The following DIPK1C variants were observed in gnomAD, a reference collection of about 807,000 sequenced individuals.
DIPK1C encodes the protein divergent protein kinase domain 1C, also known as familial non-conventional Alzheimer's dementia.
Under a neutral mutation model 28.0 loss-of-function variants are expected in DIPK1C, and 33 were observed. The observed-to-expected ratio is 1.18, with a 90% confidence interval of 0.89 to 1.58. DIPK1C has a LOEUF of 1.58. Among genes scored for constraint, DIPK1C ranks in the 40% most tolerant of loss-of-function variants. The pLI is 0.00. For synonymous variants in DIPK1C, 255 were observed against 248.8 expected (o/e 1.02, Z -0.23); for missense variants, 569 against 568.5 (o/e 1.00, Z -0.01).
At position 74,434,952 on chromosome 18, in the gene DIPK1C, G is replaced by A. The variant is rs1260355292; in HGVS notation, c.*1549C>T. On this transcript the variant is annotated 3_prime_UTR_variant, in exon 4 of 4. Coordinates refer to ENST00000343998, the MANE Select transcript of DIPK1C (RefSeq NM_001044369.3). ...TGGTGATGGGTAAGAATAACAGCTG[G>A]CAGTGGGCCTTCCAACAGGTCTTTG... The A allele has an allele frequency of 2.0e-5, 3 of 152,224 alleles. No homozygotes were observed. Among genetic ancestry groups the A allele is most frequent in the Non-Finnish European group, 2.9e-5 (2 of 68,064 alleles). 9.4% of individuals were successfully genotyped at this position (152,224 alleles called of 1,614,324 possible). A position where few individuals can be genotyped will look rare whatever the true frequency, so the allele number is the denominator to read the frequency against.
rs540465275 is a variant in DIPK1C, at chr18:74,446,973, G to T, written c.509C>A (p.Pro170Gln). ...GLELSNSSLG[P>Q]WWPGRRGPRW... Reference sequence around the variant, plus strand: ...TGGGCCCCGCCTGCCCGGCCACCACGGCCCCAGGCTGCTGTTGGACAACTC... The same window carrying T: ...TGGGCCCCGCCTGCCCGGCCACCACTGCCCCAGGCTGCTGTTGGACAACTC... The change falls in exon 2 of 4, where the codon CCG becomes CAG. Residue 170 changes from proline to glutamine, a missense_variant. By Grantham distance (76) the Pro-to-Gln change is moderately conservative. Coordinates refer to ENST00000343998, the MANE Select transcript of DIPK1C (RefSeq NM_001044369.3). 5.3e-6 allele frequency: 8 copies of T among 1,512,796 alleles called. No individual in the cohort carries two copies. The highest frequency in any genetic ancestry group is 5.3e-6 in the Non-Finnish European group (6 of 1,125,104). The allele number at this position is 1,512,796 out of a possible 1,614,324, so 93.7% of individuals were successfully genotyped here.
intron 3 of DIPK1C, among the ~76,000 whole-genome samples, chr18:74,440,016 C>T (rs1261101387): frequency 6.7e-6 from 1 of 149,532 alleles, no homozygotes; most frequent in Non-Finnish European, 1.5e-5. Context: ...GCAATCTCGG[C>T]TCACTGCAAG....
chr18:74,442,618 C>T (rs8097556), intron 2 of DIPK1C, among the ~76,000 whole-genome samples: 5,644 of 152,282 alleles, frequency 0.037, 353 homozygotes, highest in African/African-American at 0.13. Context: ...CATGAGCCAC[C>T]GTGCCCGGCC....
intron 1 of DIPK1C, among the ~76,000 whole-genome samples, chr18:74,451,052 GA>G (rs963006826): frequency 6.6e-6 from 1 of 152,210 alleles, no homozygotes; most frequent in Non-Finnish European, 1.5e-5. Flanking sequence ...CCCTGGCCAG[GA>G]AAGGGTGGGG....
At position 74,435,577 on chromosome 18, in the gene DIPK1C, A is replaced by G. The variant is rs1415629555; in HGVS notation, c.*924T>C. ...TGAAGGTGAAGACAATGCTGCATCA[A>G]GCCAACCTACAAGTCCCTGCCCAGG... On this transcript the variant is annotated 3_prime_UTR_variant, in exon 4 of 4. Transcript: ENST00000343998. 6.6e-6 allele frequency: 1 copy of G among 152,208 alleles called. No individual in the cohort carries two copies. The highest frequency in any genetic ancestry group is 2.1e-4 in the South Asian group (1 of 4,820). 9.4% of individuals were successfully genotyped at this position (152,208 alleles called of 1,614,324 possible).
At chr18:74,448,239 G>C (rs1443084599) in intron 1 of DIPK1C, among the ~76,000 whole-genome samples, 1 of 152,116 alleles carries the variant, frequency 6.6e-6, no homozygotes, top group African/African-American at 2.4e-5. Context: ...TTTGATTAGG[G>C]GTTGAGTGTA....
At position 74,456,035 on chromosome 18, in the gene DIPK1C, G is replaced by A. The variant is rs545788032; in HGVS notation, c.198+1027C>T. Among the ~76,000 whole-genome samples, 15 of 152,310 alleles carry A rather than the reference G, an allele frequency of 9.8e-5. No homozygotes were observed. The South Asian group carries it at 2.9e-3, about 29-fold the overall frequency. On this transcript the variant is annotated intron_variant, in intron 1 of 3. Coordinates refer to ENST00000343998, the MANE Select transcript of DIPK1C (RefSeq NM_001044369.3). The stretch of plus-strand genomic sequence containing the variant: ...AGGCCCACCCATATGTAAGCAACTG[G>A]ACTGAAAACTTCCCATGTGTTTCTT...
Position 74,447,340 on chromosome 18 carries a change from C to T in DIPK1C, c.199-57G>A, listed in dbSNP as rs1224137274. The T allele has an allele frequency of 8.2e-6, 12 of 1,455,204 alleles. No individual in the cohort carries two copies. Among genetic ancestry groups the T allele is most frequent in the African/African-American group, 1.4e-5 (1 of 71,020 alleles). 90.1% of individuals were successfully genotyped at this position (1,455,204 alleles called of 1,614,324 possible). ...GGAGGGCCTGGTGCCATCCGTCTCT[C>T]GGCTCGGGTTAGGGAAGGGGACAGC... is the stretch of plus-strand genomic sequence containing the variant. On this transcript the variant is annotated intron_variant, in intron 1 of 3. Coordinates refer to ENST00000343998, the MANE Select transcript of DIPK1C (RefSeq NM_001044369.3). The surrounding 1 kb of genome is among the most constrained non-coding windows in gnomAD (Gnocchi z 4.1).
intron 3 of DIPK1C, among the ~76,000 whole-genome samples, chr18:74,439,487 G>C (rs903842202): frequency 6.6e-6 from 1 of 152,112 alleles, no homozygotes; most frequent in Non-Finnish European, 1.5e-5. Flanking sequence ...AATTTATATA[G>C]AGCAAGAATT....
At chr18:74,438,742 C>T (rs139321589) in intron 3 of DIPK1C, among the ~76,000 whole-genome samples, 5 of 152,316 alleles carry the variant, frequency 3.3e-5, no homozygotes, top group African/African-American at 7.2e-5. Context: ...GACTCCAAGA[C>T]GGAGGTTTGC....
Position 74,436,613 on chromosome 18 carries a change from G to A in DIPK1C, c.1148C>T (p.Ala383Val). Residue 383 changes from alanine (A) to valine (V), a missense_variant, in exon 4 of 4, where the codon GCA becomes GTA. Ala to Val is a moderately conservative substitution (Grantham distance 64). Transcript: ENST00000343998. ...GTTCCCACTGGGGACCCCAGGGTCT[G>A]CACATTCCTGCACCGCCTCCTGTAA... ...LQLQEAVQEC[A>V]DPGVPSGNTR... The A allele has an allele frequency of 6.2e-7, 1 of 1,613,550 alleles. No individual in the cohort carries two copies. Among genetic ancestry groups the A allele is most frequent in the Non-Finnish European group, 8.5e-7 (1 of 1,179,998 alleles).
intron 2 of DIPK1C, among the ~76,000 whole-genome samples, chr18:74,444,408 C>T (rs1410034464): frequency 6.6e-6 from 1 of 152,236 alleles, no homozygotes; most frequent in African/African-American, 2.4e-5. Context: ...GCGCCCCTTC[C>T]TTCTGCCAGG....
rs866716682 is a variant in DIPK1C at position 74,434,863 on chromosome 18, G to A, written c.*1638C>T. 32 of 152,354 alleles carry A rather than the reference G, an allele frequency of 2.1e-4. No individual in the cohort carries two copies. The highest frequency in any genetic ancestry group is 7.2e-4 in the African/African-American group (30 of 41,578). The allele number at this position is 152,354 out of a possible 1,614,324, so 9.4% of individuals were successfully genotyped here. The stretch of plus-strand genomic sequence containing the variant: ...TCTTGCTAGAATACAATTGCAAAGC[G>A]AGTCTTCATGTCCATGATGAGGAGG... On this transcript the variant is annotated 3_prime_UTR_variant, in exon 4 of 4. Coordinates refer to ENST00000343998, the MANE Select transcript of DIPK1C (RefSeq NM_001044369.3).
intron 1 of DIPK1C, among the ~76,000 whole-genome samples, chr18:74,456,114 T>G (rs1255203322): frequency 6.6e-6 from 1 of 152,256 alleles, no homozygotes; most frequent in Non-Finnish European, 1.5e-5. Context: ...AGATGGTCAC[T>G]ATTTTAGGAA....
Position 74,446,787 on chromosome 18 carries a change from T to C in DIPK1C, c.695A>G (p.His232Arg). Reference protein sequence around the residue: ...VEFLAAGSPHHRALFPLDRAP... With the variant: ...VEFLAAGSPHRRALFPLDRAP... ...CCGGTCCAGGGGGAAGAGTGCCCTGTGGTGGGGGCTGCCCGCGGCCAGGAA... is the reference window on the plus strand; with the variant it reads ...CCGGTCCAGGGGGAAGAGTGCCCTGCGGTGGGGGCTGCCCGCGGCCAGGAA... The change falls in exon 2 of 4, where the codon CAC becomes CGC. Residue 232 changes from histidine to arginine, a missense_variant. Transcript: ENST00000343998. 1 of 1,496,514 alleles carries C rather than the reference T, an allele frequency of 6.7e-7. No homozygotes were observed. Among genetic ancestry groups the C allele is most frequent in the Admixed American group, 2.4e-5 (1 of 42,304 alleles). The allele number at this position is 1,496,514 out of a possible 1,614,324, so 92.7% of individuals were successfully genotyped here. A position where few individuals can be genotyped will look rare whatever the true frequency, so the allele number is the denominator to read the frequency against.
upstream of DIPK1C, among the ~76,000 whole-genome samples, chr18:74,462,666 T>TAA (rs534368468): frequency 4.0e-4 from 55 of 138,302 alleles, no homozygotes; most frequent in Admixed American, 8.0e-4. Flanking sequence ...ATGTTTTGCT[T>TAA]AAAAAAAAAA....
chr18:74,440,986 C>T (rs539754114), intron 3 of DIPK1C, among the ~76,000 whole-genome samples: 6 of 152,082 alleles, frequency 3.9e-5, no homozygotes, highest in Admixed American at 1.3e-4. Flanking sequence ...GTGGCAGAGT[C>T]GGGGTGTTTG....
chr18:74,457,303 C>G lies in DIPK1C; in HGVS notation c.-44G>C, dbSNP rs555562821. Reference sequence around the variant, plus strand: ...CCGGGCCCCACCGCCGCCCGCGCCCCGAGTTCCGCACTCGCGTAGCTGCTC... The same window carrying G: ...CCGGGCCCCACCGCCGCCCGCGCCCGGAGTTCCGCACTCGCGTAGCTGCTC... On this transcript the variant is annotated 5_prime_UTR_variant, in exon 1 of 4. Transcript: ENST00000343998. 1.5e-3 allele frequency: 1,479 copies of G among 982,462 alleles called. 5 individuals carry two copies. The African/African-American group carries it at 0.017, about 11-fold the overall frequency. The allele number at this position is 982,462 out of a possible 1,614,324, so 60.9% of individuals were successfully genotyped here.
chr18:74,461,511 T>C (rs1460324701), upstream of DIPK1C, among the ~76,000 whole-genome samples: 1 of 151,758 alleles, frequency 6.6e-6, no homozygotes, highest in Non-Finnish European at 1.5e-5. Context: ...CAAGCAATCC[T>C]CCTGCCTGGT....
Sources: gnomAD v4.1 joint callset for allele counts (sites outside exome capture counted in the v4.1 genomes callset) on GRCh38, gnomAD v4.1.1 for gene constraint, Gnocchi (gnomAD v3.1) non-coding constraint, MANE v1.5 for transcripts, NCBI Gene and HGNC (gene_info 2026-07-23, HGNC 2026-07-21) for gene names.